Variants in PABPC4L observed in about 807,000 individuals in gnomAD.
The protein encoded by PABPC4L is polyadenylate-binding protein 4-like.
For missense variants in PABPC4L, 452 were observed against 451.4 expected, an observed-to-expected ratio of 1.00 and a Z score of -0.01; for synonymous variants, 169 against 164.1, an observed-to-expected ratio of 1.03 and a Z score of -0.23.
chr4:134,176,845 G>A, the PABPC4L span, among the ~76,000 whole-genome samples: 15 of 152,134 alleles, frequency 9.9e-5, no homozygotes, highest in East Asian at 5.8e-4. Flanking sequence ...TCCCCCTGGC[G>A]CCCCCATACC....
chr4:134,138,664 T>C, the PABPC4L span, among the ~76,000 whole-genome samples: 1 of 151,312 alleles, frequency 6.6e-6, no homozygotes, highest in Admixed American at 6.6e-5. Context: ...ATTCTAATTT[T>C]AATTTTTTTT....
At chr4:134,147,036 G>T in the PABPC4L span, among the ~76,000 whole-genome samples, 397 of 152,154 alleles carry the variant, frequency 2.6e-3, 6 homozygotes, top group African/African-American at 9.0e-3. Context: ...TCAGTGAAGT[G>T]TACTTTATTT....
At chr4:134,186,023 A>G in the PABPC4L span, among the ~76,000 whole-genome samples, 3 of 152,314 alleles carry the variant, frequency 2.0e-5, no homozygotes, top group African/African-American at 7.2e-5. Flanking sequence ...ACCACTGCTC[A>G]AAGAAATAAA....
At chr4:134,186,701 T>C in the PABPC4L span, among the ~76,000 whole-genome samples, 3 of 152,178 alleles carry the variant, frequency 2.0e-5, no homozygotes, top group South Asian at 2.1e-4. Flanking sequence ...TGGGATCTAA[T>C]TAAACTAAAG....
chr4:134,071,222 G>C, the PABPC4L span, among the ~76,000 whole-genome samples: 1 of 152,102 alleles, frequency 6.6e-6, no homozygotes, highest in Non-Finnish European at 1.5e-5. Flanking sequence ...GTGCAGTAGT[G>C]CCATGCAGGG....
At chr4:134,091,082 T>G in the PABPC4L span, among the ~76,000 whole-genome samples, 1 of 152,136 alleles carries the variant, frequency 6.6e-6, no homozygotes, top group African/African-American at 2.4e-5. Flanking sequence ...TATTTTAACT[T>G]TCTATGTTAA....
the PABPC4L span, among the ~76,000 whole-genome samples, chr4:134,166,601 C>G: frequency 1.3e-5 from 2 of 152,164 alleles, no homozygotes; most frequent in South Asian, 2.1e-4. Context: ...GGTCTACTTT[C>G]TGTGCCTTGT....
chr4:134,155,378 C>G, the PABPC4L span, among the ~76,000 whole-genome samples: 2 of 150,008 alleles, frequency 1.3e-5, no homozygotes, highest in Non-Finnish European at 3.0e-5. Flanking sequence ...TTATCTATTT[C>G]TAATCAACTT....
chr4:134,110,392 A>C, the PABPC4L span, among the ~76,000 whole-genome samples: 1 of 152,062 alleles, frequency 6.6e-6, no homozygotes, highest in African/African-American at 2.4e-5. Flanking sequence ...TCAGAATTTT[A>C]GATGTAAAAA....
At chr4:134,123,232 CAT>C in the PABPC4L span, among the ~76,000 whole-genome samples, 1 of 152,012 alleles carries the variant, frequency 6.6e-6, no homozygotes, top group African/African-American at 2.4e-5. Context: ...ATTCAACACA[CAT>C]GTTTTCTCCA....
chr4:134,082,679 C>CA, the PABPC4L span, among the ~76,000 whole-genome samples: 1 of 151,936 alleles, frequency 6.6e-6, no homozygotes, highest in Non-Finnish European at 1.5e-5. Context: ...AGGTACTTCT[C>CA]AGTGTATTCT....
the PABPC4L span, among the ~76,000 whole-genome samples, chr4:134,153,349 G>GTA: frequency 6.6e-6 from 1 of 151,676 alleles, no homozygotes; most frequent in South Asian, 2.1e-4. Context: ...GGTTTTTGAA[G>GTA]TATGTGTGTA....
At chr4:134,181,447 T>G in the PABPC4L span, among the ~76,000 whole-genome samples, 16,291 of 152,026 alleles carry the variant, frequency 0.11, 1,467 homozygotes, top group East Asian at 0.52. Flanking sequence ...GCATTCCCCT[T>G]GAAAACTGGA....
chr4:134,012,940 G>A, the PABPC4L span, among the ~76,000 whole-genome samples: 2 of 152,058 alleles, frequency 1.3e-5, no homozygotes, highest in Non-Finnish European at 2.9e-5. Context: ...CAAAACTCTG[G>A]CGCCGGTCAT....
At chr4:134,181,503 C>A in the PABPC4L span, among the ~76,000 whole-genome samples, 28 of 151,920 alleles carry the variant, frequency 1.8e-4, no homozygotes, top group Non-Finnish European at 3.8e-4. Context: ...CAACATAGTG[C>A]TAGATATCTT....
At chr4:133,974,369 A>G in the PABPC4L span, among the ~76,000 whole-genome samples, 1 of 152,160 alleles carries the variant, frequency 6.6e-6, no homozygotes, top group African/African-American at 2.4e-5. Context: ...TAGATCAGAG[A>G]TGTAAATATA....
the PABPC4L span, among the ~76,000 whole-genome samples, chr4:133,958,631 G>A: frequency 3.3e-5 from 5 of 152,162 alleles, no homozygotes; most frequent in Admixed American, 2.0e-4. Flanking sequence ...AGTTCCACTT[G>A]GCTGGGAAGG....
the PABPC4L span, among the ~76,000 whole-genome samples, chr4:134,036,454 G>T: frequency 1.3e-5 from 2 of 152,070 alleles, no homozygotes; most frequent in Non-Finnish European, 2.9e-5. Flanking sequence ...TACTGGGCAA[G>T]AAATTTCAGT....
the PABPC4L span, among the ~76,000 whole-genome samples, chr4:134,003,701 C>T: frequency 6.6e-6 from 1 of 151,866 alleles, no homozygotes; most frequent in Non-Finnish European, 1.5e-5. Context: ...TATAGTTGAA[C>T]CAATTATACT....
Sources: allele counts gnomAD v4.1 joint callset (sites outside exome capture counted in the v4.1 genomes callset), GRCh38; gene constraint gnomAD v4.1.1; transcripts MANE v1.5; gene names NCBI Gene and HGNC (gene_info 2026-07-23, HGNC 2026-07-21).